EYS: variants seen among roughly 807,000 people sequenced by gnomAD.
The protein encoded by EYS is protein eyes shut homolog.
In EYS, 250 loss-of-function variants were observed where a neutral mutation model predicts 282.1. The ratio of observed to expected loss-of-function variants is 0.89; its 90% CI spans 0.80 to 0.98. The LOEUF is 0.98. Among genes scored for constraint, EYS ranks in the 50% least tolerant of loss-of-function variants. The pLI, the probability that EYS is intolerant of heterozygous loss-of-function variation, is 0.00. For missense variants in EYS, 4,016 were observed against 3,709.0 expected, an observed-to-expected ratio of 1.08 and a Z score of -2.15; for synonymous variants, 1,355 against 1,282.9, an observed-to-expected ratio of 1.06 and a Z score of -1.20.
intron 22 of EYS, among the ~76,000 whole-genome samples, chr6:64,697,055 G>C (rs1424452806): frequency 6.6e-6 from 1 of 152,136 alleles, no homozygotes; most frequent in Non-Finnish European, 1.5e-5. Context: ...AACAAATCCT[G>C]TCAGAACTAA....
chr6:64,530,953 C>T (rs528627489), intron 26 of EYS, among the ~76,000 whole-genome samples: 19 of 152,208 alleles, frequency 1.2e-4, no homozygotes, highest in East Asian at 3.9e-4. Flanking sequence ...CCGCCACTTT[C>T]GGGTTCTTCT....
At chr6:65,160,417 A>G (rs1764825075) in intron 12 of EYS, among the ~76,000 whole-genome samples, 1 of 150,922 alleles carries the variant, frequency 6.6e-6, no homozygotes, top group Non-Finnish European at 1.5e-5. Context: ...GGTTTTGACC[A>G]AATTATCTGA....
At chr6:64,687,546 A>AGCC (rs1202755842) in intron 22 of EYS, among the ~76,000 whole-genome samples, 3 of 152,220 alleles carry the variant, frequency 2.0e-5, no homozygotes, top group Non-Finnish European at 2.9e-5. Flanking sequence ...ATGTTGAACC[A>AGCC]GCCTTACATC....
rs1431710414 is a variant in EYS, at chr6:64,591,896, AG to A, written c.3970del (p.Leu1324SerfsTer4). Reference sequence around the variant, plus strand: ...CTCTCTAGTGACAATCAGTTCTTGGAGTAAGTAGCTTTCCAAGGGTGTGCTA... The same window carrying A: ...CTCTCTAGTGACAATCAGTTCTTGGATAAGTAGCTTTCCAAGGGTGTGCTA... The part of the protein sequence containing the change: ...RISTPLESYL[L>X]QELIVTRELS... On this transcript the variant is annotated frameshift_variant, in exon 26 of 43. Transcript: ENST00000503581. LOFTEE classifies it high-confidence loss of function. 13 of 1,550,540 alleles carry A rather than the reference AG, an allele frequency of 8.4e-6. No homozygotes were observed. The highest frequency in any genetic ancestry group is 1.1e-5 in the Non-Finnish European group (13 of 1,146,246).
At chr6:65,607,388 C>T (rs1166130408) in intron 2 of EYS, among the ~76,000 whole-genome samples, 1 of 151,722 alleles carries the variant, frequency 6.6e-6, no homozygotes, top group Non-Finnish European at 1.5e-5. Flanking sequence ...AAGTTTTTTA[C>T]CCTTTGTGCT....
chr6:64,009,283 C>T (rs1403830745), intron 33 of EYS, among the ~76,000 whole-genome samples: 1 of 150,254 alleles, frequency 6.7e-6, no homozygotes, highest in African/African-American at 2.4e-5. Flanking sequence ...AGGAAATTCT[C>T]GATTTTTTTT....
At chr6:65,512,288 C>A (rs1436449622) in intron 2 of EYS, among the ~76,000 whole-genome samples, 1 of 151,822 alleles carries the variant, frequency 6.6e-6, no homozygotes, top group Non-Finnish European at 1.5e-5. Context: ...GTCAGGAGAT[C>A]GAGACCATCC....
chr6:64,645,214 C>T (rs1768306345), intron 22 of EYS, among the ~76,000 whole-genome samples: 1 of 152,152 alleles, frequency 6.6e-6, no homozygotes. Flanking sequence ...TTGAAATGAA[C>T]ACATCATTAT....
intron 30 of EYS, among the ~76,000 whole-genome samples, chr6:64,281,665 T>C (rs1215505622): frequency 1.3e-5 from 2 of 152,132 alleles, no homozygotes; most frequent in South Asian, 2.1e-4. Flanking sequence ...ATTGAAATTC[T>C]ATTTAGATTA....
chr6:65,188,938 A>T (rs192816613), intron 12 of EYS, among the ~76,000 whole-genome samples: 1 of 151,754 alleles, frequency 6.6e-6, no homozygotes, highest in African/African-American at 2.4e-5. Flanking sequence ...CTTCTGAGGT[A>T]CAGAACTATA....
chr6:64,968,121 A>G (rs577520404), intron 14 of EYS, among the ~76,000 whole-genome samples: 5 of 152,274 alleles, frequency 3.3e-5, no homozygotes, highest in African/African-American at 1.2e-4. Context: ...CATATATAAC[A>G]CTAGAGTCCT....
chr6:65,036,020 C>T (rs1313002269), intron 13 of EYS, among the ~76,000 whole-genome samples: 1 of 150,094 alleles, frequency 6.7e-6, no homozygotes, highest in Admixed American at 6.7e-5. Context: ...CCTGGATAGC[C>T]AAAGCAATCC....
intron 31 of EYS, among the ~76,000 whole-genome samples, chr6:64,225,394 T>C (rs943243237): frequency 6.6e-6 from 1 of 151,938 alleles, no homozygotes; most frequent in African/African-American, 2.4e-5. Context: ...TTAAGATTGC[T>C]AACCAGCTGA....
At chr6:64,473,601 A>C (rs955003760) in intron 26 of EYS, among the ~76,000 whole-genome samples, 11 of 152,178 alleles carry the variant, frequency 7.2e-5, no homozygotes, top group Non-Finnish European at 8.8e-5. Flanking sequence ...TTCAACAAAA[A>C]CGGTAAATAA....
intron 12 of EYS, among the ~76,000 whole-genome samples, chr6:65,222,319 G>A (rs915129114): frequency 6.6e-6 from 1 of 152,118 alleles, no homozygotes; most frequent in African/African-American, 2.4e-5. Context: ...AGAGTGGGAG[G>A]CAATTGAATC....
intron 5 of EYS, 132 bp from the exon 6 acceptor site, chr6:65,405,499 TG>T: frequency 1.4e-6 from 1 of 728,206 alleles, no homozygotes; most frequent in Non-Finnish European, 2.3e-6. Flanking sequence ...ACAAATGTAT[TG>T]CAGTGTAAGT....
intron 7 of EYS, among the ~76,000 whole-genome samples, chr6:65,387,552 C>A (rs1765848166): frequency 1.3e-5 from 2 of 151,552 alleles, no homozygotes. Flanking sequence ...ATAATAATTT[C>A]ATAAAGCAAA....
At chr6:63,962,156 C>T (rs35311554) in intron 35 of EYS, among the ~76,000 whole-genome samples, 1 of 152,094 alleles carries the variant, frequency 6.6e-6, no homozygotes, top group Non-Finnish European at 1.5e-5. Context: ...CATAAAAACC[C>T]TAGAAGAAAA....
At position 65,371,747 on chromosome 6, in the gene EYS, G is replaced by C. The variant is rs1383673154; in HGVS notation, c.1299+12639C>G. On this transcript the variant is annotated intron_variant, in intron 8 of 42. Transcript: ENST00000503581. ...TCTCTCTCTCTCTCTCTCTCTGTGT[G>C]TGTGTGTGTGTGTGTGTGTGTGTGT... is the stretch of plus-strand genomic sequence containing the variant. Among the ~76,000 whole-genome samples, 10 of 106,392 alleles carry C rather than the reference G, an allele frequency of 9.4e-5. No homozygotes were observed. The East Asian group carries it at 1.5e-3, about 16-fold the overall frequency. The allele number at this position is 106,392 out of a possible 152,430, so 69.8% of individuals were successfully genotyped here.
Sources: allele counts gnomAD v4.1 joint callset (sites outside exome capture counted in the v4.1 genomes callset), GRCh38; gene constraint gnomAD v4.1.1; transcripts MANE v1.5; gene names NCBI Gene and HGNC (gene_info 2026-07-23, HGNC 2026-07-21).